The following ADAM12 variants were observed in gnomAD, a reference collection of about 807,000 sequenced individuals.
ADAM12 encodes the protein ADAM metallopeptidase domain 12.
ADAM12 carries 70 observed loss-of-function variants against 106.4 expected under a neutral mutation model. The ratio of observed to expected loss-of-function variants is 0.66; its 90% CI spans 0.54 to 0.80. The LOEUF is 0.80. Among genes scored for constraint, ADAM12 ranks in the 30% least tolerant of loss-of-function variants. The probability of loss-of-function intolerance (pLI) is 0.00; values close to 1 mark genes in which losing one functional copy is unlikely to be tolerated. For missense variants in ADAM12, 1,010 were observed against 1,171.9 expected, an observed-to-expected ratio of 0.86 and a Z score of 2.02; for synonymous variants, 420 against 433.5, an observed-to-expected ratio of 0.97 and a Z score of 0.39.
chr10:126,042,197 C>T (rs150112640), intron 18 of ADAM12: 27 of 1,613,732 alleles, frequency 1.7e-5, no homozygotes, highest in Non-Finnish European at 1.9e-5. Context: ...TGGCCCTGGC[C>T]GCGCTCCCTG....
At chr10:126,240,774 C>T (rs1958506565) in intron 3 of ADAM12, among the ~76,000 whole-genome samples, 1 of 152,192 alleles carries the variant, frequency 6.6e-6, no homozygotes, top group African/African-American at 2.4e-5. Context: ...AGATGCAGGC[C>T]GATAGCAGGG....
At chr10:126,068,699 T>C (rs1954924005) in intron 12 of ADAM12, among the ~76,000 whole-genome samples, 1 of 152,230 alleles carries the variant, frequency 6.6e-6, no homozygotes, top group African/African-American at 2.4e-5. Context: ...TGCAGTACCA[T>C]ATTTCTCAGA....
In ADAM12 at chr10:126,049,442, T is replaced by C; in HGVS notation, c.1728A>G (p.Lys576=). Residue 576 remains lysine (K), a synonymous_variant, in exon 16 of 23, where the codon AAA becomes AAG. Transcript: ENST00000448723. The surrounding 1 kb of genome is among the most constrained non-coding windows in gnomAD (Gnocchi z 4.4). ...SFAKCEMRDA[K]CGKIQCQGGA... is the part of the protein sequence containing the mutation. ...CTCCTTGACACTGGATTTTTCCACA[T>C]TTAGCATCTCTGGAAGGGTAAGAAC... is the stretch of plus-strand genomic sequence containing the variant. 2 of 1,614,176 alleles carry C rather than the reference T, an allele frequency of 1.2e-6. No homozygotes were observed. Among genetic ancestry groups the C allele is most frequent in the African/African-American group, 2.7e-5 (2 of 75,040 alleles).
chr10:126,187,465 CG>C (rs1957420811), intron 3 of ADAM12, among the ~76,000 whole-genome samples: 1 of 152,162 alleles, frequency 6.6e-6, no homozygotes, highest in South Asian at 2.1e-4. Context: ...ACACAGGCGC[CG>C]GGGTGCCCAG....
chr10:126,374,755 A>G (rs1856220450), intron 1 of ADAM12, among the ~76,000 whole-genome samples: 1 of 152,214 alleles, frequency 6.6e-6, no homozygotes, highest in Admixed American at 6.5e-5. Flanking sequence ...TTCCAAAGGA[A>G]GTGATGAAGC....
At chr10:126,321,462 G>T (rs1854091485) in intron 2 of ADAM12, among the ~76,000 whole-genome samples, 1 of 152,164 alleles carries the variant, frequency 6.6e-6, no homozygotes, top group Non-Finnish European at 1.5e-5. Flanking sequence ...TGGGTGGTGA[G>T]TGTTGTTGGA....
Position 126,066,786 on chromosome 10 carries a change from G to C in ADAM12, c.1344C>G (p.Cys448Trp), listed in dbSNP as rs140163095. ...GEPEECMNRC[C>W]NATTCTLKPD... ...GCTTCAGGGTACAGGTGGTGGCATT[G>C]CAGCAGCGATTCATACATTCCTGGA... The change falls in exon 13 of 23, where the codon TGC becomes TGG. Residue 448 changes from cysteine to tryptophan, a missense_variant. Around this residue, in one of 3 missense-constraint regions of ADAM12, gnomAD observed 615 missense variants for 708.5 expected, o/e 0.87. Transcript: ENST00000448723. This position sits in a 1 kb window ranked among gnomAD's most constrained non-coding sequence, Gnocchi z 5.1. The C allele has an allele frequency of 1.2e-6, 2 of 1,614,184 alleles. No individual in the cohort carries two copies. The highest frequency in any genetic ancestry group is 1.7e-6 in the Non-Finnish European group (2 of 1,180,008).
intron 5 of ADAM12, among the ~76,000 whole-genome samples, chr10:126,125,495 G>A (rs373716311): frequency 4.0e-5 from 6 of 151,852 alleles, no homozygotes; most frequent in South Asian, 2.1e-4. Flanking sequence ...CGCCAGCCTC[G>A]GCCTCCCAAA....
At chr10:126,093,897 A>C in intron 11 of ADAM12, 88 bp downstream of exon 11, 1 of 1,554,950 alleles carries the variant, frequency 6.4e-7, no homozygotes, top group East Asian at 2.3e-5. Context: ...TCTGACCAGA[A>C]AACCAGAGAC....
chr10:126,114,142 G>C (rs1284277919), intron 6 of ADAM12, among the ~76,000 whole-genome samples: 4 of 152,008 alleles, frequency 2.6e-5, no homozygotes, highest in African/African-American at 9.7e-5. Context: ...ACTGGCATGG[G>C]GACAGCACAC....
intron 3 of ADAM12, among the ~76,000 whole-genome samples, chr10:126,185,400 G>A (rs1357441186): frequency 6.6e-6 from 1 of 152,138 alleles, no homozygotes; most frequent in African/African-American, 2.4e-5. Context: ...AGGGGCAAAT[G>A]ACAGCAACCT....
chr10:126,284,093 G>A (rs1289009699), intron 2 of ADAM12, among the ~76,000 whole-genome samples: 1 of 152,082 alleles, frequency 6.6e-6, no homozygotes, highest in Non-Finnish European at 1.5e-5. Context: ...AGCACTTTGG[G>A]AGGCCAATGT....
At chr10:126,345,151 G>A (rs1194539328) in intron 1 of ADAM12, among the ~76,000 whole-genome samples, 2 of 152,118 alleles carry the variant, frequency 1.3e-5, no homozygotes, top group Non-Finnish European at 2.9e-5. Context: ...TATGATATTG[G>A]CTATGGGTTT....
chr10:126,325,064 C>T (rs1190694328), intron 2 of ADAM12, among the ~76,000 whole-genome samples: 1 of 151,744 alleles, frequency 6.6e-6, no homozygotes, highest in Non-Finnish European at 1.5e-5. Flanking sequence ...GAAGTGGGGC[C>T]ACAAAGAAAC....
chr10:126,368,619 G>T (rs1564760451), intron 1 of ADAM12, among the ~76,000 whole-genome samples: 1 of 151,256 alleles, frequency 6.6e-6, no homozygotes, highest in Non-Finnish European at 1.5e-5. Context: ...TAAAACTTGT[G>T]ATTTGCAAAT....
intron 8 of ADAM12, among the ~76,000 whole-genome samples, chr10:126,103,696 A>G (rs960419327): frequency 2.6e-5 from 4 of 152,276 alleles, no homozygotes; most frequent in African/African-American, 9.6e-5. Context: ...GCCCGGAGAG[A>G]AGCTCACGGG....
intron 3 of ADAM12, among the ~76,000 whole-genome samples, chr10:126,238,044 G>A (rs760853132): frequency 1.3e-5 from 2 of 152,202 alleles, no homozygotes; most frequent in Non-Finnish European, 2.9e-5. Flanking sequence ...TGTTAGCTAC[G>A]CAAAATATTA....
chr10:126,151,022 C>A (rs1279518427), intron 4 of ADAM12, among the ~76,000 whole-genome samples: 1 of 152,114 alleles, frequency 6.6e-6, no homozygotes, highest in Non-Finnish European at 1.5e-5. Flanking sequence ...TACATTAAAA[C>A]ATGTTTTTTA....
At chr10:126,055,211 C>A (rs1954603171) in intron 14 of ADAM12, among the ~76,000 whole-genome samples, 3 of 152,192 alleles carry the variant, frequency 2.0e-5, no homozygotes, top group African/African-American at 7.2e-5. Context: ...CCCCAAATCC[C>A]AGCTGGTTCT....
Sources: gnomAD v4.1 joint callset for allele counts (sites outside exome capture counted in the v4.1 genomes callset) on GRCh38, gnomAD v4.1.1 for gene constraint, gnomAD v4.1.1 regional missense constraint, Gnocchi (gnomAD v3.1) non-coding constraint, MANE v1.5 for transcripts, NCBI Gene and HGNC (gene_info 2026-07-23, HGNC 2026-07-21) for gene names.